Variants in ZNF518B observed in about 807,000 individuals in gnomAD.
ZNF518B encodes zinc finger protein 518B.
ZNF518B carries 23 observed loss-of-function variants against 56.3 expected under a neutral mutation model. The ratio of observed to expected loss-of-function variants is 0.41; its 90% confidence interval spans 0.29 to 0.58. The LOEUF (loss-of-function observed/expected upper bound fraction) is 0.58, where lower values mean the gene tolerates loss of function less well. Among genes scored for constraint, ZNF518B ranks in the 20% least tolerant of loss-of-function variants. The pLI is 0.32. For synonymous variants in ZNF518B, 529 were observed against 465.9 expected, an observed-to-expected ratio of 1.14 and a Z score of -1.74; for missense variants, 1,460 against 1,272.1, an observed-to-expected ratio of 1.15 and a Z score of -2.25.
Position 10,443,696 on chromosome 4 carries a change from C to G in ZNF518B, c.2633G>C (p.Arg878Thr). The change falls in exon 3 of 3, where the codon AGA (arginine) becomes ACA (threonine). Residue 878 changes from arginine to threonine, a missense_variant. Arg to Thr is a moderately conservative substitution (Grantham distance 71). Transcript: ENST00000326756. ...QGSSELNKQG[R>T]LLSRSLSISR... ...TATAGAAAGACTTCTGGAAAGCAGTCTCCCTTGCTTATTTAATTCACTGCT... is the reference window on the plus strand; with the variant it reads ...TATAGAAAGACTTCTGGAAAGCAGTGTCCCTTGCTTATTTAATTCACTGCT... The G allele has an allele frequency of 6.2e-7, 1 of 1,614,138 alleles. No homozygotes were observed. Among genetic ancestry groups the G allele is most frequent in the Non-Finnish European group, 8.5e-7 (1 of 1,180,024 alleles).
Position 10,446,073 on chromosome 4 carries a change from A to C in ZNF518B, c.256T>G (p.Cys86Gly). Reference protein sequence around the residue: ...KGTGKDGMYVCFQCSLGAAPP... With the variant: ...KGTGKDGMYVGFQCSLGAAPP... Reference sequence around the variant, plus strand: ...GCTGCACCGAGGCTGCACTGGAAGCAGACATACATACCGTCCTTCCCTGTA... The same window carrying C: ...GCTGCACCGAGGCTGCACTGGAAGCCGACATACATACCGTCCTTCCCTGTA... Residue 86 changes from cysteine (C) to glycine (G), a missense_variant, in exon 3 of 3, where the codon TGC becomes GGC. Physicochemically the swap from Cys to Gly is radical, Grantham distance 159 (BLOSUM62 -3). Transcript: ENST00000326756. 1 of 1,614,204 alleles carries C rather than the reference A, an allele frequency of 6.2e-7. No individual in the cohort carries two copies. The highest frequency in any genetic ancestry group is 8.5e-7 in the Non-Finnish European group (1 of 1,180,034).
chr4:10,451,169 T>C (rs1183495216), intron 2 of ZNF518B: 1 of 152,144 alleles, frequency 6.6e-6, no homozygotes, highest in Non-Finnish European at 1.5e-5. Flanking sequence ...CTTAAAGACT[T>C]ATTATGGGGA....
Position 10,442,950 on chromosome 4 carries a change from G to T in ZNF518B, c.*154C>A, listed in dbSNP as rs922225230. ...TTCTGGGGTCCAATCACATACTTCAGGTTCAGACTCCTAGCTCCCAATATT... is the reference window on the plus strand; with the variant it reads ...TTCTGGGGTCCAATCACATACTTCATGTTCAGACTCCTAGCTCCCAATATT... On this transcript the variant is annotated 3_prime_UTR_variant, in exon 3 of 3. Transcript: ENST00000326756. The T allele has an allele frequency of 3.0e-6, 2 of 674,688 alleles. No individual in the cohort carries two copies. Among genetic ancestry groups the T allele is most frequent in the East Asian group, 5.5e-5 (2 of 36,542 alleles). The allele number at this position is 674,688 out of a possible 1,614,324, so 41.8% of individuals were successfully genotyped here.
Position 10,444,973 on chromosome 4 carries a change from T to G in ZNF518B, c.1356A>C (p.Lys452Asn). The change falls in exon 3 of 3, where the codon AAA becomes AAC. Residue 452 changes from lysine (K) to asparagine (N), a missense_variant. Lys to Asn is a moderately conservative substitution (Grantham distance 94, BLOSUM62 0). Coordinates refer to ENST00000326756, the MANE Select transcript of ZNF518B (RefSeq NM_053042.3). ...CAATTGTTTCCGAATTAATGAAGGA[T>G]TTTCCATTGTTGTGCACACTAGAAT... ...MPNSSVHNNG[K>N]SFINSETIED... 6.2e-7 allele frequency: 1 copy of G among 1,612,914 alleles called. No homozygotes were observed. Among genetic ancestry groups the G allele is most frequent in the Non-Finnish European group, 8.5e-7 (1 of 1,179,708 alleles).
upstream of ZNF518B, among the ~76,000 whole-genome samples, chr4:10,460,620 G>A (rs1197731630): frequency 2.6e-5 from 4 of 152,162 alleles, no homozygotes; most frequent in Admixed American, 6.5e-5. Context: ...CATTCTAGGC[G>A]TCTACAGACT....
chr4:10,446,003 T>A lies in ZNF518B; in HGVS notation c.326A>T (p.His109Leu). Reference protein sequence around the residue: ...HFVSNNSSATHVGNKTENFSS... With the variant: ...HFVSNNSSATLVGNKTENFSS... ...GAAGTTTTCAGTTTTATTTCCAACA[T>A]GAGTCGCACTGGAATTATTGCTCAC... The change falls in exon 3 of 3, where the codon CAT (histidine) becomes CTT (leucine). Residue 109 changes from histidine (H) to leucine (L), a missense_variant. By Grantham distance (99) the His-to-Leu change is moderately conservative. Transcript: ENST00000326756. 6.2e-7 allele frequency: 1 copy of A among 1,614,166 alleles called. No homozygotes were observed. The highest frequency in any genetic ancestry group is 8.5e-7 in the Non-Finnish European group (1 of 1,180,036).
chr4:10,452,565 T>A (rs903069286), intron 2 of ZNF518B: 1 of 152,190 alleles, frequency 6.6e-6, no homozygotes, highest in Non-Finnish European at 1.5e-5. Context: ...GAAGAAACTG[T>A]TGCCTCAGAA....
chr4:10,460,756 C>T (rs1338993989), upstream of ZNF518B, among the ~76,000 whole-genome samples: 3 of 152,114 alleles, frequency 2.0e-5, no homozygotes, highest in African/African-American at 7.2e-5. Flanking sequence ...CTTCATTACC[C>T]ACTTTTATAT....
At chr4:10,447,506 A>G (rs971195310) in intron 2 of ZNF518B, among the ~76,000 whole-genome samples, 2 of 152,142 alleles carry the variant, frequency 1.3e-5, no homozygotes, top group African/African-American at 2.4e-5. Context: ...ATGTTCTAGG[A>G]AAGACAATAA....
chr4:10,445,451 T>C lies in ZNF518B; in HGVS notation c.878A>G (p.Asn293Ser). 6.2e-7 allele frequency: 1 copy of C among 1,614,256 alleles called. No individual in the cohort carries two copies. Among genetic ancestry groups the C allele is most frequent in the East Asian group, 2.2e-5 (1 of 44,890 alleles). ...EYQKDVVCIP[N>S]KMTLSEPNEV... ...ATTTGGCTCAGACAGGGTCATTTTA[T>C]TTGGAATACAAACTACATCTTTTTG... Residue 293 changes from asparagine to serine, a missense_variant, in exon 3 of 3, where the codon AAT becomes AGT. Coordinates refer to ENST00000326756, the MANE Select transcript of ZNF518B (RefSeq NM_053042.3).
chr4:10,443,639 G>GTACTTGTTTGTGTACAA lies in ZNF518B; in HGVS notation c.2689_2690insTTGTACACAAACAAGTA (p.Ser897PhefsTer33). ...AGCTTGAATTTTGTTTTTCTTCCTG[G>GTACTTGTTTGTGTACAA]ATAAGTGTACTTGTTTGGTTTTATT... On this transcript the variant is annotated frameshift_variant, in exon 3 of 3. Transcript: ENST00000326756. LOFTEE classifies it high-confidence loss of function. 1 of 1,614,086 alleles carries GTACTTGTTTGTGTACAA rather than the reference G, an allele frequency of 6.2e-7. No homozygotes were observed. Among genetic ancestry groups the GTACTTGTTTGTGTACAA allele is most frequent in the Non-Finnish European group, 8.5e-7 (1 of 1,179,974 alleles).
chr4:10,445,085 A>T lies in ZNF518B; in HGVS notation c.1244T>A (p.Leu415His). ...AGGTTGAAAACTATCAATGCCTACG[A>T]GTTTTCCAACATTCCCGTCAACTGT... ...SLTVDGNVGKLVGIDSFQPSV... is the reference protein window; with the variant it reads ...SLTVDGNVGKHVGIDSFQPSV... The change falls in exon 3 of 3, where the codon CTC (leucine) becomes CAC (histidine). Residue 415 changes from leucine (L) to histidine (H), a missense_variant. Physicochemically the swap from Leu to His is moderately conservative, Grantham distance 99 (BLOSUM62 -3). Transcript: ENST00000326756. The T allele has an allele frequency of 6.2e-7, 1 of 1,614,226 alleles. No individual in the cohort carries two copies. The highest frequency in any genetic ancestry group is 8.5e-7 in the Non-Finnish European group (1 of 1,180,038).
Position 10,442,861 on chromosome 4 carries a change from G to A in ZNF518B, c.*243C>T. On this transcript the variant is annotated 3_prime_UTR_variant, in exon 3 of 3. Coordinates refer to ENST00000326756, the MANE Select transcript of ZNF518B (RefSeq NM_053042.3). Reference sequence around the variant, plus strand: ...CACTGAAAATCTGTTCAGTTTCACAGGCTCTCTCCAGAAAAATGCATATGT... The same window carrying A: ...CACTGAAAATCTGTTCAGTTTCACAAGCTCTCTCCAGAAAAATGCATATGT... The A allele has an allele frequency of 2.2e-6, 1 of 451,872 alleles. No homozygotes were observed. The highest frequency in any genetic ancestry group is 3.9e-6 in the Non-Finnish European group (1 of 255,426). 28.0% of individuals were successfully genotyped at this position (451,872 alleles called of 1,614,324 possible). A position where few individuals can be genotyped will look rare whatever the true frequency, so the allele number is the denominator to read the frequency against.
Position 10,446,124 on chromosome 4 carries a change from T to C in ZNF518B, c.205A>G (p.Ile69Val), listed in dbSNP as rs373374439. The change falls in exon 3 of 3, where the codon ATC becomes GTC. Residue 69 changes from isoleucine (I) to valine (V), a missense_variant. Ile to Val is a conservative substitution (Grantham distance 29). Coordinates refer to ENST00000326756, the MANE Select transcript of ZNF518B (RefSeq NM_053042.3). Reference protein sequence around the residue: ...TCAKCKSVHKISLQDLQKGTG... With the variant: ...TCAKCKSVHKVSLQDLQKGTG... ...CCCTTCTGCAAATCTTGAAGAGAGA[T>C]CTTGTGAACACTTTTGCACTTTGCA... 4 of 1,614,148 alleles carry C rather than the reference T, an allele frequency of 2.5e-6. No homozygotes were observed. The highest frequency in any genetic ancestry group is 8.5e-7 in the Non-Finnish European group (1 of 1,180,020).
chr4:10,444,710 G>C lies in ZNF518B; in HGVS notation c.1619C>G (p.Ser540Cys), dbSNP rs1054046810. Residue 540 changes from serine to cysteine, a missense_variant, in exon 3 of 3, where the codon TCT becomes TGT. By Grantham distance (112) the Ser-to-Cys change is moderately radical. Transcript: ENST00000326756. ...FAASPATCSF[S>C]GEKGLLPVSE... is the part of the protein sequence containing the mutation. ...TACAGGCAATAAGCCCTTTTCTCCA[G>C]AGAAGGAACAGGTTGCAGGTGATGC... The C allele has an allele frequency of 5.0e-6, 8 of 1,614,210 alleles. No homozygotes were observed. The highest frequency in any genetic ancestry group is 5.9e-6 in the Non-Finnish European group (7 of 1,180,040).
intron 1 of ZNF518B, among the ~76,000 whole-genome samples, chr4:10,456,365 G>T (rs1173240049): frequency 6.6e-6 from 1 of 152,010 alleles, no homozygotes; most frequent in Admixed American, 6.5e-5. Flanking sequence ...TTTGAACCCT[G>T]CAATTTCTTG....
chr4:10,455,864 TA>T (rs1354082169), intron 1 of ZNF518B, among the ~76,000 whole-genome samples: 1 of 152,190 alleles, frequency 6.6e-6, no homozygotes, highest in Admixed American at 6.5e-5. Flanking sequence ...CACACAATTT[TA>T]AAAAAGAACT....
At position 10,440,632 on chromosome 4, in the gene ZNF518B, C is replaced by T. The variant is rs572131937; in HGVS notation, c.*2472G>A. The T allele has an allele frequency of 4.6e-5, 7 of 152,466 alleles. No homozygotes were observed. The highest frequency in any genetic ancestry group is 1.7e-4 in the African/African-American group (7 of 41,556). 9.4% of individuals were successfully genotyped at this position (152,466 alleles called of 1,614,324 possible). On this transcript the variant is annotated 3_prime_UTR_variant, in exon 3 of 3. Transcript: ENST00000326756. Reference sequence around the variant, plus strand: ...CACTTTTAATTCCTTAAAAAGTATTCTAGTTCTGAAAATCCTAAAAAGCTT... The same window carrying T: ...CACTTTTAATTCCTTAAAAAGTATTTTAGTTCTGAAAATCCTAAAAAGCTT...
In ZNF518B at chr4:10,444,996, A is replaced by G. The variant is rs773898708; in HGVS notation, c.1333T>C (p.Ser445Pro). The change falls in exon 3 of 3, where the codon TCT becomes CCT. Residue 445 changes from serine (S) to proline (P), a missense_variant. Ser to Pro is a moderately conservative substitution (Grantham distance 74, BLOSUM62 -1). Transcript: ENST00000326756. ...GATTTTCCATTGTTGTGCACACTAG[A>G]ATTTGGCATAATAAAATCATAAGAC... ...VRSYDFIMPN[S>P]SVHNNGKSFI... is the part of the protein sequence containing the mutation. 2 of 1,614,040 alleles carry G rather than the reference A, an allele frequency of 1.2e-6. No homozygotes were observed. The highest frequency in any genetic ancestry group is 2.7e-5 in the African/African-American group (2 of 74,916).
Sources: allele counts gnomAD v4.1 joint callset (sites outside exome capture counted in the v4.1 genomes callset), GRCh38; gene constraint gnomAD v4.1.1; transcripts MANE v1.5; gene names NCBI Gene and HGNC (gene_info 2026-07-23, HGNC 2026-07-21).